Variants in CHN1 observed in about 807,000 individuals in gnomAD.
CHN1 encodes the protein N-chimaerin.
CHN1 carries 37 observed loss-of-function variants against 59.5 expected under a neutral mutation model. That is an observed-to-expected ratio of 0.62 (90% confidence interval 0.48 to 0.82). The LOEUF is 0.82. Among genes scored for constraint, CHN1 ranks in the 40% least tolerant of loss-of-function variants. The pLI is 0.00. For missense variants in CHN1, 469 were observed against 571.0 expected (o/e 0.82, Z 1.82); for synonymous variants, 206 against 200.4 (o/e 1.03, Z -0.24).
intron 7 of CHN1, among the ~76,000 whole-genome samples, chr2:174,835,816 C>A (rs1215636471): frequency 1.3e-5 from 2 of 152,038 alleles, no homozygotes; most frequent in Non-Finnish European, 2.9e-5. Context: ...TAAGATGATA[C>A]CCTCTTGAAG....
intron 7 of CHN1, among the ~76,000 whole-genome samples, chr2:174,844,686 A>T (rs1472071415): frequency 3.3e-5 from 5 of 152,144 alleles, no homozygotes. Context: ...CCTGCCACAG[A>T]GTCTGGGATG....
chr2:174,972,539 G>A (rs1321362249), intron 1 of CHN1, among the ~76,000 whole-genome samples: 1 of 152,214 alleles, frequency 6.6e-6, no homozygotes, highest in Non-Finnish European at 1.5e-5. Flanking sequence ...ATTAATAAAT[G>A]AGTGATCTAG....
chr2:174,925,974 T>C (rs75400362), intron 3 of CHN1, among the ~76,000 whole-genome samples: 6,342 of 152,298 alleles, frequency 0.042, 471 homozygotes, highest in African/African-American at 0.14. Flanking sequence ...TGTTTGGTTT[T>C]TCTGTTAACA....
intron 1 of CHN1, among the ~76,000 whole-genome samples, chr2:175,003,477 T>C (rs954360936): frequency 2.6e-5 from 4 of 152,152 alleles, no homozygotes; most frequent in South Asian, 4.1e-4. Context: ...GGAATGCGAG[T>C]ATTTGAAAAG....
intron 7 of CHN1, among the ~76,000 whole-genome samples, chr2:174,841,441 G>A (rs1438587304): frequency 6.6e-6 from 1 of 152,176 alleles, no homozygotes; most frequent in Non-Finnish European, 1.5e-5. Context: ...GAAATACAAT[G>A]TTTACAGGGA....
intron 1 of CHN1, among the ~76,000 whole-genome samples, chr2:174,981,438 T>C (rs929329565): frequency 1.3e-5 from 2 of 152,192 alleles, no homozygotes; most frequent in Middle Eastern, 3.2e-3. Context: ...CAGTAAAAGA[T>C]GCTAACTTTT....
chr2:174,992,175 G>A (rs1164181187), intron 1 of CHN1, among the ~76,000 whole-genome samples: 2 of 152,196 alleles, frequency 1.3e-5, no homozygotes, highest in African/African-American at 2.4e-5. Flanking sequence ...GTTAGCAGCT[G>A]GTTGGGTATC....
chr2:174,853,300 T>G (rs1318674994), intron 6 of CHN1, among the ~76,000 whole-genome samples: 2 of 151,924 alleles, frequency 1.3e-5, no homozygotes, highest in African/African-American at 4.9e-5. Context: ...GAACAAACAC[T>G]TCTCAAAGGA....
chr2:174,800,437 C>G (rs898224641), intron 12 of CHN1, 150 bp from the exon 13 acceptor site: 1 of 531,796 alleles, frequency 1.9e-6, no homozygotes. Context: ...TTTCAAAGTA[C>G]TGACTTTCCT....
At chr2:174,839,387 T>G (rs890103981) in intron 7 of CHN1, among the ~76,000 whole-genome samples, 4 of 152,128 alleles carry the variant, frequency 2.6e-5, no homozygotes, top group Admixed American at 6.6e-5. Flanking sequence ...GAGATGAACC[T>G]GGAGGACATG....
intron 7 of CHN1, among the ~76,000 whole-genome samples, chr2:174,829,693 GA>G (rs1156802341): frequency 1.3e-5 from 2 of 152,188 alleles, no homozygotes; most frequent in Non-Finnish European, 2.9e-5. Context: ...AACATTACGG[GA>G]AATAAAATTT....
At chr2:174,904,482 A>T (rs1305877445) in intron 5 of CHN1, among the ~76,000 whole-genome samples, 1 of 151,722 alleles carries the variant, frequency 6.6e-6, no homozygotes, top group Non-Finnish European at 1.5e-5. Flanking sequence ...TCCACCTCCC[A>T]GGTTCAAGTG....
chr2:174,961,178 AGGAACAGAG>A (rs1690391279), intron 1 of CHN1, among the ~76,000 whole-genome samples: 1 of 60,432 alleles, frequency 1.7e-5, no homozygotes, highest in South Asian at 6.2e-4. Flanking sequence ...AAGGAATGGA[AGGAACAGAG>A]GGAAGGGAGG....
intron 5 of CHN1, among the ~76,000 whole-genome samples, chr2:174,900,762 G>A (rs1311353327): frequency 5.3e-5 from 8 of 151,250 alleles, no homozygotes; most frequent in African/African-American, 1.5e-4. Context: ...CTGAGATTGC[G>A]CCATTGCACC....
rs535406103 is a variant in CHN1, at chr2:174,982,660, A to G, written c.19+22234T>C. ...CCCCCAGTAATCCTTAACCCCACCC[A>G]TTCACTCTCTTCCTCCTTTGCTGGC... On this transcript the variant is annotated intron_variant, in intron 1 of 12. Coordinates refer to ENST00000409900, the MANE Select transcript of CHN1 (RefSeq NM_001822.7). 1.3e-4 allele frequency among the ~76,000 whole-genome samples: 20 copies of G among 152,170 alleles called. 1 individual carries two copies. The East Asian group carries it at 3.9e-3, about 29-fold the overall frequency.
In CHN1 at chr2:174,992,646, C is replaced by A. The variant is rs547776250; in HGVS notation, c.19+12248G>T. Among the ~76,000 whole-genome samples the A allele has an allele frequency of 1.3e-3, 192 of 152,324 alleles. 2 individuals carry two copies. The highest frequency in any genetic ancestry group is 0.013 in the Admixed American group (192 of 15,310). ...ATAAGATGACACTTGTGACAAGATG[C>A]TCTCCTTGACCAAACTTTAGTCAGG... On this transcript the variant is annotated intron_variant, in intron 1 of 12. Transcript: ENST00000409900.
At chr2:174,833,172 T>C (rs994513624) in intron 7 of CHN1, among the ~76,000 whole-genome samples, 2 of 152,194 alleles carry the variant, frequency 1.3e-5, no homozygotes, top group African/African-American at 4.8e-5. Context: ...TCAAGTCTTC[T>C]ATACTCTTAC....
In CHN1 at chr2:174,943,178, T is replaced by G. The variant is rs542760512; in HGVS notation, c.114+1710A>C. Among the ~76,000 whole-genome samples the G allele has an allele frequency of 1.8e-4, 24 of 136,926 alleles. No individual in the cohort carries two copies. The East Asian group carries it at 4.8e-3, about 27-fold the overall frequency. The allele number at this position is 136,926 out of a possible 152,430, so 89.8% of individuals were successfully genotyped here. A position where few individuals can be genotyped will look rare whatever the true frequency, so the allele number is the denominator to read the frequency against. ...TCTTATTTGTATTCAATTTTAGGGT[T>G]TGCTTGTGTGTGTGTGTGTGTGTGT... On this transcript the variant is annotated intron_variant, in intron 3 of 12. Transcript: ENST00000409900.
chr2:174,996,645 G>A (rs968623617), intron 1 of CHN1, among the ~76,000 whole-genome samples: 4 of 151,996 alleles, frequency 2.6e-5, no homozygotes, highest in African/African-American at 7.3e-5. Context: ...TACATGCTAC[G>A]AAAGTACCAT....
Sources: gnomAD v4.1 joint callset for allele counts (sites outside exome capture counted in the v4.1 genomes callset) on GRCh38, gnomAD v4.1.1 for gene constraint, MANE v1.5 for transcripts, NCBI Gene and HGNC (gene_info 2026-07-23, HGNC 2026-07-21) for gene names.